Variants in CROCC observed in about 807,000 individuals in gnomAD.
The protein encoded by CROCC is ciliary rootlet coiled-coil, rootletin, also known as rootletin.
CROCC carries 180 observed loss-of-function variants against 245.2 expected under a neutral mutation model. The observed-to-expected ratio is 0.73, with a 90% confidence interval of 0.65 to 0.83. CROCC has a LOEUF of 0.83. Among genes scored for constraint, CROCC ranks in the 40% least tolerant of loss-of-function variants. The probability of loss-of-function intolerance (pLI) is 0.00; values close to 1 mark genes in which losing one functional copy is unlikely to be tolerated. For missense variants in CROCC, 2,688 were observed against 2,779.4 expected, an observed-to-expected ratio of 0.97 and a Z score of 0.74; for synonymous variants, 1,205 against 1,241.6, an observed-to-expected ratio of 0.97 and a Z score of 0.62.
At chr1:16,925,351 G>A (rs896986480) in intron 3 of CROCC, among the ~76,000 whole-genome samples, 2 of 152,278 alleles carry the variant, frequency 1.3e-5, no homozygotes, top group Non-Finnish European at 2.9e-5. Context: ...TGATGCCCAT[G>A]TAACAGAGGA....
At chr1:16,914,478 G>A (rs1233725587) in intron 1 of CROCC, among the ~76,000 whole-genome samples, 37 of 152,386 alleles carry the variant, frequency 2.4e-4, no homozygotes, top group African/African-American at 8.9e-4. Context: ...GCCCCCCGCA[G>A]ATGCCCTCTG....
chr1:16,921,717 C>T (rs1469169928), upstream of CROCC, among the ~76,000 whole-genome samples: 1 of 152,214 alleles, frequency 6.6e-6, no homozygotes, highest in Non-Finnish European at 1.5e-5. Context: ...CCCCTGTTTC[C>T]TCCTCCCATT....
chr1:16,966,417 G>A lies in CROCC; in HGVS notation c.4706G>A (p.Ser1569Asn). The change falls in exon 30 of 37, where the codon AGT becomes AAT. Residue 1569 changes from serine (S) to asparagine (N), a missense_variant. Ser to Asn is a conservative substitution (Grantham distance 46). This residue lies in a region of CROCC where 1,218 missense variants were observed against 1,286.3 expected (regional missense o/e 0.95). Transcript: ENST00000375541. This position sits in a 1 kb window ranked among gnomAD's most constrained non-coding sequence, Gnocchi z 4.8. Reference protein sequence around the residue: ...AVAESEEARRSVDGRLSGVQA... With the variant: ...AVAESEEARRNVDGRLSGVQA... ...TGGGTGGTGGCTACAGCCCGGCGCA[G>A]TGTGGATGGGCGGCTGAGCGGGGTC... 1 of 1,534,120 alleles carries A rather than the reference G, an allele frequency of 6.5e-7. No individual in the cohort carries two copies. Among genetic ancestry groups the A allele is most frequent in the Non-Finnish European group, 8.7e-7 (1 of 1,143,102 alleles).
At chr1:16,914,421 TC>T (rs2075282548) in intron 1 of CROCC, among the ~76,000 whole-genome samples, 1 of 152,164 alleles carries the variant, frequency 6.6e-6, no homozygotes, top group Non-Finnish European at 1.5e-5. Flanking sequence ...CCGGCCGGGG[TC>T]CCCTCGCTCC....
At chr1:16,942,709 T>G (rs546376253) in intron 13 of CROCC, among the ~76,000 whole-genome samples, 368 of 152,330 alleles carry the variant, frequency 2.4e-3, no homozygotes, top group Non-Finnish European at 4.2e-3. Flanking sequence ...CAGGTCCATG[T>G]GAGAGTAAAC....
intron 20 of CROCC, among the ~76,000 whole-genome samples, chr1:16,952,439 C>T (rs1398337103): frequency 6.6e-6 from 1 of 151,726 alleles, no homozygotes; most frequent in East Asian, 2.0e-4. Context: ...GAGCCAAAAT[C>T]TCGCCACTGC....
intron 16 of CROCC, 43 bp from the exon 17 acceptor site, chr1:16,946,718 G>A: frequency 6.5e-7 from 1 of 1,532,936 alleles, no homozygotes; most frequent in Non-Finnish European, 8.8e-7. Context: ...GGTCCTGGGA[G>A]GGACGCCCTG....
rs547856147 is a variant in CROCC at position 16,953,888 on chromosome 1, G to T, written c.3187-335G>T. 3 of 242,198 alleles carry T rather than the reference G, an allele frequency of 1.2e-5. No homozygotes were observed. In the East Asian group the frequency reaches 1.9e-4, roughly 16 times the overall value. 15.0% of individuals were successfully genotyped at this position (242,198 alleles called of 1,614,324 possible). ...ATGTAACGGAGACAGGGCAGACTGT[G>T]CCCATCTCCTCTCCTCACCAGCTGT... On this transcript the variant is annotated intron_variant, in intron 21 of 36. Transcript: ENST00000375541.
intron 32 of CROCC, 34 bp downstream of exon 32, chr1:16,969,374 A>T (rs1240814004): frequency 8.9e-6 from 14 of 1,576,254 alleles, no homozygotes; most frequent in Middle Eastern, 2.3e-4. Flanking sequence ...GGGTGGGCCC[A>T]GTGAGAGAGT....
In CROCC at chr1:16,945,655, C is replaced by T. The variant is rs573081655; in HGVS notation, c.2136+49C>T. On this transcript the variant is annotated intron_variant, in intron 15 of 36. Coordinates refer to ENST00000375541, the MANE Select transcript of CROCC (RefSeq NM_014675.5). ...CCACAAACCTACCTCTGACCCCCAG[C>T]CCCAAGCCTTGTCACTCTGGCACAG... 3.2e-6 allele frequency: 5 copies of T among 1,577,268 alleles called. No individual in the cohort carries two copies. The East Asian group carries it at 6.7e-5, about 21-fold the overall frequency.
At position 16,954,390 on chromosome 1, in the gene CROCC, C is replaced by T. The variant is rs376743813; in HGVS notation, c.3321+33C>T. On this transcript the variant is annotated intron_variant, in intron 22 of 36. Transcript: ENST00000375541. The surrounding 1 kb of genome is among the most constrained non-coding windows in gnomAD (Gnocchi z 4.4). ...AGGCTGGGCAGCTGGGCCTCTGTCT[C>T]ATAGAGAGGCACATCCCTGGCTGAG... 6 of 1,591,832 alleles carry T rather than the reference C, an allele frequency of 3.8e-6. No homozygotes were observed. In the African/African-American group the frequency reaches 6.7e-5, roughly 18 times the overall value.
intron 13 of CROCC, 87 bp downstream of exon 13, chr1:16,940,180 G>T: frequency 9.5e-6 from 13 of 1,371,896 alleles, no homozygotes; most frequent in Non-Finnish European, 1.3e-5. Context: ...GTATGGCTCT[G>T]CACTAATATG....
chr1:16,969,479 G>A (rs1219741442), intron 32 of CROCC, 139 bp downstream of exon 32: 2 of 910,558 alleles, frequency 2.2e-6, no homozygotes, highest in Non-Finnish European at 3.4e-6. Context: ...TTGAAGGGAG[G>A]GCGTGGGCCC....
Position 16,959,886 on chromosome 1 carries a change from G to C in CROCC, c.4033-872G>C, listed in dbSNP as rs559366741. ...GTGGCCCCGTGTGGTATGCCTCCCC[G>C]CCTTTCCCCCACCCCCCAGGGCTGT... is the stretch of plus-strand genomic sequence containing the variant. On this transcript the variant is annotated intron_variant, in intron 26 of 36. Transcript: ENST00000375541. 6.3e-4 allele frequency among the ~76,000 whole-genome samples: 95 copies of C among 151,544 alleles called. 1 individual carries two copies. Among genetic ancestry groups the C allele is most frequent in the Non-Finnish European group, 3.4e-4 (23 of 67,914 alleles).
chr1:16,918,482 A>G (rs1324501890), upstream of CROCC, among the ~76,000 whole-genome samples: 1 of 151,768 alleles, frequency 6.6e-6, no homozygotes, highest in Non-Finnish European at 1.5e-5. Context: ...CCTTCCTCCA[A>G]CCCTTAGGGC....
Position 16,931,392 on chromosome 1 carries a change from T to G in CROCC, c.951T>G (p.Thr317=), listed in dbSNP as rs561375876. ...TGGTCAGCGAGGTGAAGATGTTCAC[T>G]GAGAGGTGAGGCCTGGCCGGGGACG... ...RRLVSEVKMF[T]ERDLLQLGGE... Residue 317 remains threonine, a synonymous_variant, in exon 8 of 37, where the codon ACT becomes ACG. Transcript: ENST00000375541. 6.2e-7 allele frequency: 1 copy of G among 1,610,472 alleles called. No individual in the cohort carries two copies. The highest frequency in any genetic ancestry group is 8.5e-7 in the Non-Finnish European group (1 of 1,177,482).
chr1:16,920,888 T>C (rs1348391567), upstream of CROCC, among the ~76,000 whole-genome samples: 4 of 152,180 alleles, frequency 2.6e-5, no homozygotes, highest in Non-Finnish European at 5.9e-5. Context: ...GGATTACAGG[T>C]GTGCACCACC....
rs542445756 is a variant in CROCC at position 16,970,691 on chromosome 1, A to T, written c.5708A>T (p.Lys1903Met). Residue 1903 changes from lysine to methionine, a missense_variant, in exon 35 of 37, where the codon AAG becomes ATG. Coordinates refer to ENST00000375541, the MANE Select transcript of CROCC (RefSeq NM_014675.5). The part of the protein sequence containing the change: ...HEDTVRLSAE[K>M]GRLDRTLTGA... Reference sequence around the variant, plus strand: ...GACACAGTGCGGCTGAGCGCAGAGAAGGGCCGCCTGGACCGCACCCTCACG... The same window carrying T: ...GACACAGTGCGGCTGAGCGCAGAGATGGGCCGCCTGGACCGCACCCTCACG... 6.2e-7 allele frequency: 1 copy of T among 1,603,138 alleles called. No individual in the cohort carries two copies. Among genetic ancestry groups the T allele is most frequent in the Middle Eastern group, 1.8e-4 (1 of 5,688 alleles).
chr1:16,939,284 C>T (rs1036596160), intron 12 of CROCC, 142 bp downstream of exon 12: 1 of 777,090 alleles, frequency 1.3e-6, no homozygotes, highest in Non-Finnish European at 1.9e-6. Context: ...GCAGCCAGAG[C>T]CCTGAGAAAT....
Sources: allele counts gnomAD v4.1 joint callset (sites outside exome capture counted in the v4.1 genomes callset), GRCh38; gene constraint gnomAD v4.1.1; regional missense constraint gnomAD v4.1.1; non-coding constraint Gnocchi (gnomAD v3.1); transcripts MANE v1.5; gene names NCBI Gene and HGNC (gene_info 2026-07-23, HGNC 2026-07-21).